Variants in ZNF804B observed in about 807,000 individuals in gnomAD.
The protein encoded by ZNF804B is zinc finger 804B.
ZNF804B carries 80 observed loss-of-function variants against 101.4 expected under a neutral mutation model. That is an observed-to-expected ratio of 0.79 (90% CI 0.66 to 0.95). The LOEUF is 0.95. ZNF804B is among the 40% of genes least tolerant of loss of function. The pLI, the probability that ZNF804B is intolerant of heterozygous loss-of-function variation, is 0.00. For synonymous variants in ZNF804B, 622 were observed against 558.8 expected (o/e 1.11, Z -1.59); for missense variants, 1,673 against 1,561.9 (o/e 1.07, Z -1.20).
At chr7:89,167,335 T>G (rs1791159108) in intron 1 of ZNF804B, among the ~76,000 whole-genome samples, 1 of 150,794 alleles carries the variant, frequency 6.6e-6, no homozygotes, top group Non-Finnish European at 1.5e-5. Flanking sequence ...CTCAGCTACT[T>G]GGGAGGCTGA....
At chr7:88,951,700 GT>G in intron 1 of ZNF804B, among the ~76,000 whole-genome samples, 1 of 151,904 alleles carries the variant, frequency 6.6e-6, no homozygotes, top group Admixed American at 6.6e-5. Context: ...CAGGAGATTG[GT>G]TTATGGAGAT....
chr7:88,881,527 G>T (rs747327034), intron 1 of ZNF804B, among the ~76,000 whole-genome samples: 5 of 152,034 alleles, frequency 3.3e-5, no homozygotes, highest in Non-Finnish European at 7.4e-5. Context: ...CATAAATAAA[G>T]TTCTTCAGTC....
chr7:89,333,547 C>T lies in ZNF804B; in HGVS notation c.565C>T (p.His189Tyr). The T allele has an allele frequency of 6.2e-7, 1 of 1,613,520 alleles. No individual in the cohort carries two copies. The highest frequency in any genetic ancestry group is 8.5e-7 in the Non-Finnish European group (1 of 1,179,664). Residue 189 changes from histidine to tyrosine, a missense_variant, in exon 4 of 4, where the codon CAC (histidine) becomes TAC (tyrosine). Coordinates refer to ENST00000333190, the MANE Select transcript of ZNF804B (RefSeq NM_181646.5). The part of the protein sequence containing the change: ...DKQRSTMPNR[H>Y]QLQSDRRCLF... ...ACAGCGGTCCACCATGCCAAATCGA[C>T]ACCAATTACAATCAGACAGGCGTTG...
At chr7:88,829,793 TAAAG>T (rs1437011391) in intron 1 of ZNF804B, among the ~76,000 whole-genome samples, 1 of 152,076 alleles carries the variant, frequency 6.6e-6, no homozygotes, top group Non-Finnish European at 1.5e-5. Context: ...GAGATGAAAA[TAAAG>T]GAAGATTATT....
chr7:88,780,468 A>G (rs1328482702), intron 1 of ZNF804B, among the ~76,000 whole-genome samples: 1 of 140,536 alleles, frequency 7.1e-6, no homozygotes, highest in African/African-American at 2.7e-5. Context: ...GGCTCATTGC[A>G]GCCTTGACCT....
In ZNF804B at chr7:89,337,391, G is replaced by A. The variant is rs1054355364; in HGVS notation, c.*359G>A. Among the ~76,000 whole-genome samples, 9 of 152,172 alleles carry A rather than the reference G, an allele frequency of 5.9e-5. No individual in the cohort carries two copies. In the South Asian group the frequency reaches 6.2e-4, roughly 11 times the overall value. The stretch of plus-strand genomic sequence containing the variant: ...AATCAAATGAAATATGGCACCCTGC[G>A]TTCTAAGTATTTGTTGTGTGAATGA... On this transcript the variant is annotated 3_prime_UTR_variant, in exon 4 of 4. Transcript: ENST00000333190.
At position 89,098,068 on chromosome 7, in the gene ZNF804B, T is replaced by C. The variant is rs192213746; in HGVS notation, c.109-120087T>C. ...ACAGACCTAAGCACTTTACATATAA[T>C]TTATAAAATTTCTTTAAGGTAGGAA... On this transcript the variant is annotated intron_variant, in intron 1 of 3. Transcript: ENST00000333190. 1.0e-3 allele frequency among the ~76,000 whole-genome samples: 154 copies of C among 152,244 alleles called. 1 individual carries two copies. The highest frequency in any genetic ancestry group is 3.5e-3 in the African/African-American group (145 of 41,542).
chr7:89,194,201 T>A (rs994105846), intron 1 of ZNF804B, among the ~76,000 whole-genome samples: 2 of 152,208 alleles, frequency 1.3e-5, no homozygotes, highest in Admixed American at 6.5e-5. Context: ...TCATTGTAGA[T>A]TCTGGATATT....
At chr7:88,956,555 A>G (rs981786645) in intron 1 of ZNF804B, among the ~76,000 whole-genome samples, 1 of 151,396 alleles carries the variant, frequency 6.6e-6, no homozygotes, top group African/African-American at 2.4e-5. Context: ...ATAAAATTAT[A>G]ATATCTTAAG....
At chr7:88,807,576 A>G (rs990006830) in intron 1 of ZNF804B, among the ~76,000 whole-genome samples, 1 of 152,186 alleles carries the variant, frequency 6.6e-6, no homozygotes, top group African/African-American at 2.4e-5. Context: ...TTTATCTTAA[A>G]TTAATCATTT....
chr7:89,011,145 G>C (rs1260536987), intron 1 of ZNF804B, among the ~76,000 whole-genome samples: 1 of 151,844 alleles, frequency 6.6e-6, no homozygotes, highest in South Asian at 2.1e-4. Context: ...TGGAGAATGA[G>C]TGCAAGCAGG....
chr7:88,993,700 C>T (rs778454629), intron 1 of ZNF804B, among the ~76,000 whole-genome samples: 2 of 151,920 alleles, frequency 1.3e-5, no homozygotes, highest in Non-Finnish European at 2.9e-5. Context: ...GCCAAAACAT[C>T]TATGTATTGT....
At chr7:89,052,333 A>G (rs1258587059) in intron 1 of ZNF804B, among the ~76,000 whole-genome samples, 1 of 152,048 alleles carries the variant, frequency 6.6e-6, no homozygotes, top group African/African-American at 2.4e-5. Context: ...CATCAGTTTT[A>G]TAATTTTTCT....
chr7:89,284,044 T>C (rs183344849), intron 2 of ZNF804B, among the ~76,000 whole-genome samples: 405 of 152,258 alleles, frequency 2.7e-3, no homozygotes, highest in Non-Finnish European at 3.9e-3. Flanking sequence ...ATGTAAAAAT[T>C]TATCAAAATG....
chr7:88,922,560 T>G (rs180978547), intron 1 of ZNF804B, among the ~76,000 whole-genome samples: 48 of 152,068 alleles, frequency 3.2e-4, no homozygotes, highest in Admixed American at 3.1e-3. Flanking sequence ...TGTCAACCCT[T>G]ATACAAAATG....
chr7:88,765,995 A>G (rs1789977814), intron 1 of ZNF804B, among the ~76,000 whole-genome samples: 1 of 152,180 alleles, frequency 6.6e-6, no homozygotes, highest in Non-Finnish European at 1.5e-5. Flanking sequence ...ATTGAAGATA[A>G]AAAAACACAA....
intron 1 of ZNF804B, among the ~76,000 whole-genome samples, chr7:89,117,802 G>A (rs1449981642): frequency 1.3e-5 from 2 of 151,940 alleles, no homozygotes; most frequent in African/African-American, 2.4e-5. Context: ...TTTCATAGCT[G>A]GCATATAAAT....
intron 1 of ZNF804B, among the ~76,000 whole-genome samples, chr7:89,079,144 G>T (rs1406407846): frequency 6.6e-6 from 1 of 151,898 alleles, no homozygotes; most frequent in Non-Finnish European, 1.5e-5. Context: ...TTTCATAGAG[G>T]CCACAAAATA....
At chr7:89,166,676 C>T (rs891613537) in intron 1 of ZNF804B, among the ~76,000 whole-genome samples, 5 of 152,064 alleles carry the variant, frequency 3.3e-5, no homozygotes, top group Admixed American at 6.6e-5. Flanking sequence ...AGTCCCATAG[C>T]GTTATTTAAG....
Sources: allele counts gnomAD v4.1 joint callset (sites outside exome capture counted in the v4.1 genomes callset), GRCh38; gene constraint gnomAD v4.1.1; transcripts MANE v1.5; gene names NCBI Gene and HGNC (gene_info 2026-07-23, HGNC 2026-07-21).